RORA: variants seen among roughly 807,000 people sequenced by gnomAD.
RORA encodes nuclear receptor ROR-alpha.
Under a neutral mutation model 69.5 loss-of-function variants are expected in RORA, and 7 were observed. The ratio of observed to expected loss-of-function variants is 0.10; its 90% confidence interval spans 0.06 to 0.19. The LOEUF is 0.19. Ranked by LOEUF, RORA falls within the 10% of genes least tolerant of loss-of-function variation. The pLI is 1.00. For synonymous variants in RORA, 261 were observed against 240.8 expected, an observed-to-expected ratio of 1.08 and a Z score of -0.78; for missense variants, 457 against 663.0, an observed-to-expected ratio of 0.69 and a Z score of 3.41.
intron 1 of RORA, among the ~76,000 whole-genome samples, chr15:61,039,738 C>G (rs1472548430): frequency 3.5e-5 from 4 of 112,914 alleles, no homozygotes; most frequent in African/African-American, 1.5e-4. Context: ...GAGTGAGACT[C>G]TGTCTCAAAA....
chr15:61,223,462 T>C (rs1299052055), intron 1 of RORA, among the ~76,000 whole-genome samples: 1 of 152,210 alleles, frequency 6.6e-6, no homozygotes, highest in Non-Finnish European at 1.5e-5. Context: ...ATTTTGCTAC[T>C]TGCAACTTAG....
chr15:60,876,137 T>C (rs2073611209), intron 1 of RORA, among the ~76,000 whole-genome samples: 1 of 152,126 alleles, frequency 6.6e-6, no homozygotes, highest in African/African-American at 2.4e-5. Flanking sequence ...TTCAAGCAAA[T>C]CAAGCCACAA....
At chr15:61,206,557 C>A (rs1277843913) in intron 1 of RORA, among the ~76,000 whole-genome samples, 1 of 152,138 alleles carries the variant, frequency 6.6e-6, no homozygotes, top group African/African-American at 2.4e-5. Flanking sequence ...AATATAGGCC[C>A]AAATAAAAGA....
intron 1 of RORA, among the ~76,000 whole-genome samples, chr15:60,834,581 T>A (rs1456652757): frequency 6.6e-6 from 1 of 152,186 alleles, no homozygotes; most frequent in Non-Finnish European, 1.5e-5. Context: ...TGCCTGTTAA[T>A]GGAATGATAA....
chr15:61,229,187 G>A lies in RORA; in HGVS notation c.32C>T (p.Ala11Val), dbSNP rs2140955720. Residue 11 changes from alanine to valine, a missense_variant, in exon 1 of 11, where the codon GCC (alanine) becomes GTC (valine). By Grantham distance (64) the Ala-to-Val change is moderately conservative (BLOSUM62 0). Around this residue, in one of 3 missense-constraint regions of RORA, gnomAD observed 119 missense variants for 92.4 expected, o/e 1.29. Coordinates refer to ENST00000335670, the MANE Select transcript of RORA (RefSeq NM_134261.3). ...GCCGCTGCTGCCTGGCTCGCTGGCG[G>A]CGGGGTCGGGGGCTGCCGGAGCTGA... MESAPAAPDPAASEPGSSGAD... is the reference protein window; with the variant it reads MESAPAAPDPVASEPGSSGAD... The A allele has an allele frequency of 1.3e-6, 2 of 1,555,690 alleles. No homozygotes were observed. The highest frequency in any genetic ancestry group is 1.9e-5 in the Admixed American group (1 of 53,340).
At chr15:60,835,006 A>AC (rs943748293) in intron 1 of RORA, among the ~76,000 whole-genome samples, 1 of 152,158 alleles carries the variant, frequency 6.6e-6, no homozygotes, top group African/African-American at 2.4e-5. Context: ...TCCTAGATAT[A>AC]TTTAGAGCTT....
chr15:60,892,926 C>G (rs1011754105), intron 1 of RORA, among the ~76,000 whole-genome samples: 1 of 152,204 alleles, frequency 6.6e-6, no homozygotes, highest in Non-Finnish European at 1.5e-5. Context: ...AATGCACTTA[C>G]GTGAGCGATT....
At chr15:61,010,799 C>T (rs1220830016) in intron 1 of RORA, among the ~76,000 whole-genome samples, 1 of 152,122 alleles carries the variant, frequency 6.6e-6, no homozygotes. Context: ...ACTTTAGAAC[C>T]TGGAGATGAG....
At chr15:60,741,592 T>C (rs190543163) in intron 1 of RORA, among the ~76,000 whole-genome samples, 1 of 152,306 alleles carries the variant, frequency 6.6e-6, no homozygotes, top group Non-Finnish European at 1.5e-5. Context: ...TGTCTGGCCC[T>C]GGAAATGTAG....
chr15:61,007,120 A>C (rs1486283022), intron 1 of RORA, among the ~76,000 whole-genome samples: 1 of 152,120 alleles, frequency 6.6e-6, no homozygotes. Context: ...CTGCCTGTCC[A>C]GGGCTATGAA....
At chr15:60,882,553 C>T (rs976330685) in intron 1 of RORA, among the ~76,000 whole-genome samples, 6 of 151,880 alleles carry the variant, frequency 4.0e-5, no homozygotes, top group African/African-American at 1.2e-4. Context: ...GAGCTACATG[C>T]GGCACTCAGG....
intron 2 of RORA, among the ~76,000 whole-genome samples, chr15:60,601,267 T>C (rs2068802492): frequency 1.3e-5 from 2 of 152,250 alleles, no homozygotes; most frequent in Admixed American, 1.3e-4. Flanking sequence ...AAGGTTAGCA[T>C]GTGTCATTAT....
At chr15:60,912,068 G>T (rs13379666) in intron 1 of RORA, among the ~76,000 whole-genome samples, 1 of 152,052 alleles carries the variant, frequency 6.6e-6, no homozygotes, top group African/African-American at 2.4e-5. Flanking sequence ...AGGCATATTA[G>T]AAACTCCTCA....
At position 61,229,007 on chromosome 15, in the gene RORA, C is replaced by T. The variant is rs966391718; in HGVS notation, c.166+46G>A. The T allele has an allele frequency of 6.9e-6, 8 of 1,163,570 alleles. No individual in the cohort carries two copies. The African/African-American group carries it at 1.1e-4, about 17-fold the overall frequency. The allele number at this position is 1,163,570 out of a possible 1,614,324, so 72.1% of individuals were successfully genotyped here. On this transcript the variant is annotated intron_variant, in intron 1 of 10. Transcript: ENST00000335670. ...GCTCCCGGCCGCCCCCCGCTCCGCGCCCGGGCTCCCGCCGCCCCCTCCCCA... is the reference window on the plus strand; with the variant it reads ...GCTCCCGGCCGCCCCCCGCTCCGCGTCCGGGCTCCCGCCGCCCCCTCCCCA...
At chr15:61,142,565 G>T (rs1269561359) in intron 1 of RORA, among the ~76,000 whole-genome samples, 1 of 151,836 alleles carries the variant, frequency 6.6e-6, no homozygotes, top group South Asian at 2.1e-4. Flanking sequence ...AGAAAGAAAA[G>T]TCAGATCACT....
chr15:60,685,782 G>T (rs1000623512), intron 1 of RORA, among the ~76,000 whole-genome samples: 4 of 152,180 alleles, frequency 2.6e-5, no homozygotes, highest in African/African-American at 9.7e-5. Flanking sequence ...ACAACACGTG[G>T]AAGGCATCAA....
chr15:61,154,491 A>T (rs975458924), intron 1 of RORA, among the ~76,000 whole-genome samples: 4 of 152,180 alleles, frequency 2.6e-5, no homozygotes, highest in Admixed American at 2.6e-4. Flanking sequence ...GATCCTTGGA[A>T]AAATCTCTGT....
chr15:60,789,113 T>G (rs573771292), intron 1 of RORA, among the ~76,000 whole-genome samples: 8 of 152,272 alleles, frequency 5.3e-5, no homozygotes, highest in African/African-American at 1.7e-4. Flanking sequence ...AAGCAAGGAA[T>G]AGAAGAGTGA....
At chr15:60,632,954 G>T (rs2069769300) in intron 2 of RORA, among the ~76,000 whole-genome samples, 1 of 152,026 alleles carries the variant, frequency 6.6e-6, no homozygotes, top group East Asian at 1.9e-4. Context: ...TCAAAAAAGG[G>T]TGTTTAAAAA....
Sources: allele counts gnomAD v4.1 joint callset (sites outside exome capture counted in the v4.1 genomes callset), GRCh38; gene constraint gnomAD v4.1.1; regional missense constraint gnomAD v4.1.1; transcripts MANE v1.5; gene names NCBI Gene and HGNC (gene_info 2026-07-23, HGNC 2026-07-21).